The following CNTNAP2 variants were observed in gnomAD, a reference collection of about 807,000 sequenced individuals.
CNTNAP2 encodes contactin-associated protein-like 2.
In CNTNAP2, 98 loss-of-function variants were observed where a neutral mutation model predicts 155.2. The observed-to-expected ratio is 0.63, with a 90% confidence interval of 0.54 to 0.75. CNTNAP2 has a LOEUF of 0.75. Among genes scored for constraint, CNTNAP2 ranks in the 30% least tolerant of loss-of-function variants. The pLI, the probability that CNTNAP2 is intolerant of heterozygous loss-of-function variation, is 0.00. For synonymous variants in CNTNAP2, 651 were observed against 631.2 expected (o/e 1.03, Z -0.47); for missense variants, 1,727 against 1,688.1 (o/e 1.02, Z -0.40).
rs10585570 is a variant in CNTNAP2 at position 147,301,592 on chromosome 7, CTGTGTGTGTGTGTGTGTG to C, written c.1498+1338_1498+1355del. Among the ~76,000 whole-genome samples, 957 of 101,870 alleles carry C rather than the reference CTGTGTGTGTGTGTGTGTG, an allele frequency of 9.4e-3. 13 individuals are homozygous for C. The highest frequency in any genetic ancestry group is 0.03 in the African/African-American group (861 of 28,664). 66.8% of individuals were successfully genotyped at this position (101,870 alleles called of 152,430 possible). ...TATATAGCTCTCTCTCTCTCTCTCTCTGTGTGTGTGTGTGTGTGTGTGTGTGTGTGTGTGTGTGTGTGT... is the reference window on the plus strand; with the variant it reads ...TATATAGCTCTCTCTCTCTCTCTCTCTGTGTGTGTGTGTGTGTGTGTGTGT... On this transcript the variant is annotated intron_variant, in intron 9 of 23. Coordinates refer to ENST00000361727, the MANE Select transcript of CNTNAP2 (RefSeq NM_014141.6).
At chr7:147,609,591 T>C (rs1801143603) in intron 12 of CNTNAP2, among the ~76,000 whole-genome samples, 2 of 151,676 alleles carry the variant, frequency 1.3e-5, no homozygotes, top group Admixed American at 6.6e-5. Context: ...AAAATAAACA[T>C]CACAAAGGAG....
rs189929066 is a variant in CNTNAP2 at position 148,025,963 on chromosome 7, A to T, written c.2383+47974A>T. Among the ~76,000 whole-genome samples, 55 of 152,288 alleles carry T rather than the reference A, an allele frequency of 3.6e-4. No homozygotes were observed. The East Asian group carries it at 6.0e-3, about 17-fold the overall frequency. On this transcript the variant is annotated intron_variant, in intron 15 of 23. Transcript: ENST00000361727. ...CCTTGCTAATATATCGGTATGGGAC[A>T]ATCTCCTTCTTAAAATTGTCACACT...
rs189095056 is a variant in CNTNAP2, at chr7:146,967,058, T to A, written c.403-76849T>A. Among the ~76,000 whole-genome samples, 38 of 152,256 alleles carry A rather than the reference T, an allele frequency of 2.5e-4. 1 individual carries two copies. In the East Asian group the frequency reaches 4.8e-3, roughly 19 times the overall value. ...GAAAGGAAGGGGAAAAATCTATTGA[T>A]CACAGAAGATCAATGTTTAGTGATC... On this transcript the variant is annotated intron_variant, in intron 3 of 23. Transcript: ENST00000361727.
chr7:146,804,306 C>T (rs1420712909), intron 2 of CNTNAP2, among the ~76,000 whole-genome samples: 1 of 152,000 alleles, frequency 6.6e-6, no homozygotes, highest in East Asian at 1.9e-4. Flanking sequence ...TTGCTTTAAG[C>T]TTATTGATCA....
chr7:148,094,855 C>T (rs1037964634), intron 15 of CNTNAP2, among the ~76,000 whole-genome samples: 13 of 151,944 alleles, frequency 8.6e-5, no homozygotes, highest in Non-Finnish European at 1.8e-4. Flanking sequence ...TAGGAAGGAC[C>T]CTGATTAGAC....
chr7:146,429,579 A>G (rs1304540621), intron 1 of CNTNAP2, among the ~76,000 whole-genome samples: 1 of 152,114 alleles, frequency 6.6e-6, no homozygotes, highest in Non-Finnish European at 1.5e-5. Flanking sequence ...TTGATTTTGT[A>G]TCCTGAGACT....
intron 21 of CNTNAP2, among the ~76,000 whole-genome samples, chr7:148,278,282 G>T (rs1404787455): frequency 6.6e-6 from 1 of 151,988 alleles, no homozygotes; most frequent in Non-Finnish European, 1.5e-5. Flanking sequence ...AAAAGCCTGA[G>T]TAGGCCCGGC....
At chr7:146,638,270 T>C (rs1250546551) in intron 1 of CNTNAP2, among the ~76,000 whole-genome samples, 1 of 152,108 alleles carries the variant, frequency 6.6e-6, no homozygotes, top group Non-Finnish European at 1.5e-5. Flanking sequence ...CCTGTATCCC[T>C]GCAGTGTTCA....
intron 12 of CNTNAP2, among the ~76,000 whole-genome samples, chr7:147,562,633 A>G (rs1800086801): frequency 6.6e-6 from 1 of 152,210 alleles, no homozygotes; most frequent in Admixed American, 6.5e-5. Flanking sequence ...AAGCTTTTAG[A>G]TCGTGACAGA....
chr7:146,264,476 A>C (rs1041579960), intron 1 of CNTNAP2, among the ~76,000 whole-genome samples: 1 of 152,026 alleles, frequency 6.6e-6, no homozygotes, highest in African/African-American at 2.4e-5. Context: ...AGAAAGAAAG[A>C]AAGAAAGAAA....
chr7:147,803,404 C>A (rs1161572409), intron 13 of CNTNAP2, among the ~76,000 whole-genome samples: 1 of 152,174 alleles, frequency 6.6e-6, no homozygotes, highest in Non-Finnish European at 1.5e-5. Flanking sequence ...TTGTGGGTCA[C>A]TCTGCCCGTG....
At chr7:146,128,120 A>G (rs771340579) in intron 1 of CNTNAP2, among the ~76,000 whole-genome samples, 6 of 152,166 alleles carry the variant, frequency 3.9e-5, no homozygotes, top group Non-Finnish European at 8.8e-5. Context: ...CCTACTAAAA[A>G]CACATTACTC....
At chr7:147,909,496 A>G (rs1298086624) in intron 14 of CNTNAP2, among the ~76,000 whole-genome samples, 3 of 152,196 alleles carry the variant, frequency 2.0e-5, no homozygotes, top group African/African-American at 7.2e-5. Flanking sequence ...GCCTGTGAGT[A>G]CGATCACCAT....
At chr7:147,228,424 G>A (rs1047786381) in intron 8 of CNTNAP2, among the ~76,000 whole-genome samples, 1 of 152,098 alleles carries the variant, frequency 6.6e-6, no homozygotes, top group East Asian at 1.9e-4. Context: ...GGGGAAAGGG[G>A]CTATAAGATC....
At chr7:146,731,317 T>C (rs540909181) in intron 1 of CNTNAP2, among the ~76,000 whole-genome samples, 3 of 152,320 alleles carry the variant, frequency 2.0e-5, no homozygotes, top group African/African-American at 7.2e-5. Context: ...GTTGCTAGGC[T>C]ATGAAACACA....
At chr7:146,352,714 A>G (rs539034218) in intron 1 of CNTNAP2, among the ~76,000 whole-genome samples, 127 of 143,480 alleles carry the variant, frequency 8.9e-4, no homozygotes, top group African/African-American at 3.4e-3. Flanking sequence ...TGAAATAGAT[A>G]TAGTCTTCTC....
At chr7:147,104,547 G>A (rs1046639302) in intron 4 of CNTNAP2, among the ~76,000 whole-genome samples, 2 of 151,190 alleles carry the variant, frequency 1.3e-5, no homozygotes, top group African/African-American at 4.8e-5. Context: ...GTTTCTTTCG[G>A]ATCCCCTATA....
intron 10 of CNTNAP2, among the ~76,000 whole-genome samples, chr7:147,444,722 G>A (rs1232925195): frequency 2.0e-5 from 3 of 152,122 alleles, no homozygotes; most frequent in Admixed American, 2.0e-4. Context: ...AAGAGCCAAA[G>A]AGGAACCAGG....
intron 3 of CNTNAP2, among the ~76,000 whole-genome samples, chr7:146,904,633 G>A (rs1450130730): frequency 1.3e-5 from 2 of 152,026 alleles, no homozygotes; most frequent in African/African-American, 2.4e-5. Flanking sequence ...CACCACGCCT[G>A]GCTAATTTTT....
Sources: allele counts gnomAD v4.1 joint callset (sites outside exome capture counted in the v4.1 genomes callset), GRCh38; gene constraint gnomAD v4.1.1; transcripts MANE v1.5; gene names NCBI Gene and HGNC (gene_info 2026-07-23, HGNC 2026-07-21).